The following ZBTB38 variants were observed in gnomAD, a reference collection of about 807,000 sequenced individuals.
The protein encoded by ZBTB38 is zinc finger and BTB domain containing 38.
In ZBTB38, 20 loss-of-function variants were observed where a neutral mutation model predicts 76.8. The observed-to-expected ratio is 0.26, with a 90% CI of 0.18 to 0.38. The LOEUF is 0.38. Ranked by LOEUF, ZBTB38 falls within the 10% of genes least tolerant of loss-of-function variation. ZBTB38 has a pLI of 1.00. For synonymous variants in ZBTB38, 504 were observed against 544.2 expected (o/e 0.93, Z 1.03); for missense variants, 1,082 against 1,482.3 (o/e 0.73, Z 4.43).
intron 1 of ZBTB38, among the ~76,000 whole-genome samples, chr3:141,343,117 T>C (rs1039613262): frequency 5.9e-5 from 9 of 152,172 alleles, no homozygotes; most frequent in East Asian, 1.9e-4. Context: ...ATTGTCAGGA[T>C]TGATCCAAGA....
chr3:141,423,498 C>T (rs114474295), intron 5 of ZBTB38, among the ~76,000 whole-genome samples: 30 of 152,246 alleles, frequency 2.0e-4, no homozygotes, highest in African/African-American at 7.2e-4. Context: ...TGTACATGTG[C>T]ATACAGCCAG....
chr3:141,412,936 C>T (rs1957144765), intron 5 of ZBTB38, among the ~76,000 whole-genome samples: 1 of 152,198 alleles, frequency 6.6e-6, no homozygotes, highest in Non-Finnish European at 1.5e-5. Context: ...TGCCGGACAG[C>T]TCTGCCAAGC....
chr3:141,391,122 T>C (rs1014516598), intron 4 of ZBTB38, among the ~76,000 whole-genome samples: 34 of 152,144 alleles, frequency 2.2e-4, no homozygotes, highest in Middle Eastern at 3.4e-3. Context: ...ATCATACTAC[T>C]GCACTCCAGC....
intron 5 of ZBTB38, among the ~76,000 whole-genome samples, chr3:141,411,194 A>G (rs1164694481): frequency 6.6e-6 from 1 of 152,222 alleles, no homozygotes; most frequent in Non-Finnish European, 1.5e-5. Flanking sequence ...GGAGACCCAC[A>G]TATTCAGATC....
chr3:141,401,883 G>T (rs967721937), intron 4 of ZBTB38, among the ~76,000 whole-genome samples: 1 of 152,194 alleles, frequency 6.6e-6, no homozygotes, highest in African/African-American at 2.4e-5. Flanking sequence ...ATCTATCTAG[G>T]CCTCTCTTGA....
At chr3:141,421,337 G>A (rs1014677580) in intron 5 of ZBTB38, among the ~76,000 whole-genome samples, 3 of 148,970 alleles carry the variant, frequency 2.0e-5, no homozygotes, top group African/African-American at 5.0e-5. Context: ...ATGTTGGCCA[G>A]GTTGGTCTTG....
chr3:141,342,446 C>A (rs568076777), intron 1 of ZBTB38, among the ~76,000 whole-genome samples: 1 of 147,680 alleles, frequency 6.8e-6, no homozygotes, highest in Non-Finnish European at 1.5e-5. Flanking sequence ...CAAGTATATA[C>A]GTTTATTAAT....
intron 5 of ZBTB38, among the ~76,000 whole-genome samples, chr3:141,420,727 G>A (rs902447412): frequency 2.0e-5 from 3 of 152,170 alleles, no homozygotes; most frequent in Non-Finnish European, 4.4e-5. Context: ...AGGTGAGCTA[G>A]AATACAGTCA....
intron 5 of ZBTB38, among the ~76,000 whole-genome samples, chr3:141,407,751 C>T (rs1172751432): frequency 1.3e-5 from 2 of 152,196 alleles, no homozygotes; most frequent in Non-Finnish European, 2.9e-5. Context: ...CCAATTTCTG[C>T]GAAGCAGAGG....
intron 2 of ZBTB38, among the ~76,000 whole-genome samples, chr3:141,375,197 A>G (rs1399475832): frequency 6.6e-6 from 1 of 152,244 alleles, no homozygotes; most frequent in African/African-American, 2.4e-5. Flanking sequence ...AATATGATGT[A>G]GTAAAAAGAT....
intron 1 of ZBTB38, among the ~76,000 whole-genome samples, chr3:141,340,400 A>G (rs1471871010): frequency 6.6e-6 from 1 of 152,200 alleles, no homozygotes; most frequent in Non-Finnish European, 1.5e-5. Context: ...CTAATTATTG[A>G]ATGCCTATTG....
At chr3:141,348,471 G>T (rs1325419105) in intron 1 of ZBTB38, among the ~76,000 whole-genome samples, 1 of 152,152 alleles carries the variant, frequency 6.6e-6, no homozygotes, top group Non-Finnish European at 1.5e-5. Flanking sequence ...ATCATTACTT[G>T]CAGTGTCTTT....
chr3:141,327,313 A>C (rs1405537380), intron 1 of ZBTB38, among the ~76,000 whole-genome samples: 1 of 152,190 alleles, frequency 6.6e-6, no homozygotes, highest in Non-Finnish European at 1.5e-5. Context: ...AAATCTGACA[A>C]ACACTATCTT....
chr3:141,416,237 T>C (rs958786504), intron 5 of ZBTB38, among the ~76,000 whole-genome samples: 2 of 152,196 alleles, frequency 1.3e-5, no homozygotes, highest in African/African-American at 2.4e-5. Context: ...CATATTACAT[T>C]AATCTAGTTT....
intron 2 of ZBTB38, among the ~76,000 whole-genome samples, chr3:141,375,397 G>A (rs1402414480): frequency 6.6e-6 from 1 of 152,194 alleles, no homozygotes; most frequent in Non-Finnish European, 1.5e-5. Context: ...CTGAGGCAAC[G>A]CCCTGCCTCA....
At chr3:141,438,542 G>T (rs973744177) in intron 5 of ZBTB38, among the ~76,000 whole-genome samples, 1 of 152,080 alleles carries the variant, frequency 6.6e-6, no homozygotes, top group Non-Finnish European at 1.5e-5. Flanking sequence ...CACTTTATTA[G>T]CTGGGAAGTG....
At chr3:141,326,970 G>A (rs991615681) in intron 1 of ZBTB38, among the ~76,000 whole-genome samples, 20 of 152,296 alleles carry the variant, frequency 1.3e-4, no homozygotes, top group East Asian at 5.8e-4. Flanking sequence ...CTCCATGCCC[G>A]AAGGGAAGTC....
rs147925737 is a variant in ZBTB38, at chr3:141,370,189, T to C, written c.-235+243T>C. On this transcript the variant is annotated intron_variant, in intron 2 of 5. Transcript: ENST00000321464. The stretch of plus-strand genomic sequence containing the variant: ...TAACAGTACAGGTCAGTGGGGCAAC[T>C]GTCTTTCATGCATTCATTCAGAGAC... 1.8e-3 allele frequency among the ~76,000 whole-genome samples: 268 copies of C among 152,364 alleles called. 1 individual carries two copies. Among genetic ancestry groups the C allele is most frequent in the African/African-American group, 6.2e-3 (258 of 41,584 alleles).
In ZBTB38 at chr3:141,445,370, G is replaced by T. The variant is rs1005782205; in HGVS notation, c.2982G>T (p.Gly994=). The part of the protein sequence containing the change: ...CELCDGDKAV[G]AGNQGRPHRH... ...TCTGTGATGGAGACAAAGCAGTGGGGGCTGGAAACCAAGGAAGGCCCCACC... is the reference window on the plus strand; with the variant it reads ...TCTGTGATGGAGACAAAGCAGTGGGTGCTGGAAACCAAGGAAGGCCCCACC... Residue 994 remains glycine (G), a synonymous_variant, in exon 6 of 6, where the codon GGG becomes GGT. Transcript: ENST00000321464. The surrounding 1 kb of genome is among the most constrained non-coding windows in gnomAD (Gnocchi z 6.5). 2 of 1,614,142 alleles carry T rather than the reference G, an allele frequency of 1.2e-6. No individual in the cohort carries two copies. The highest frequency in any genetic ancestry group is 1.7e-6 in the Non-Finnish European group (2 of 1,180,010).
Sources: allele counts gnomAD v4.1 joint callset (sites outside exome capture counted in the v4.1 genomes callset), GRCh38; gene constraint gnomAD v4.1.1; non-coding constraint Gnocchi (gnomAD v3.1); transcripts MANE v1.5; gene names NCBI Gene and HGNC (gene_info 2026-07-23, HGNC 2026-07-21).